Variants in AHCTF1 observed in about 807,000 individuals in gnomAD.
AHCTF1 encodes the protein protein ELYS.
In AHCTF1, 24 loss-of-function variants were observed where a neutral mutation model predicts 248.4. The ratio of observed to expected loss-of-function variants is 0.10; its 90% CI spans 0.07 to 0.14. The LOEUF (loss-of-function observed/expected upper bound fraction) is 0.14. AHCTF1 is among the 10% of genes least tolerant of loss of function. The probability of loss-of-function intolerance (pLI) is 1.00; values close to 1 mark genes in which losing one functional copy is unlikely to be tolerated. For synonymous variants in AHCTF1, 786 were observed against 929.8 expected, an observed-to-expected ratio of 0.85 and a Z score of 2.81; for missense variants, 2,206 against 2,636.2, an observed-to-expected ratio of 0.84 and a Z score of 3.57.
At chr1:246,847,985 TCA>T (rs1421596072) in intron 33 of AHCTF1, among the ~76,000 whole-genome samples, 2 of 152,172 alleles carry the variant, frequency 1.3e-5, no homozygotes, top group Non-Finnish European at 2.9e-5. Context: ...GGCTAAAATA[TCA>T]CACATTCTGT....
At position 246,850,616 on chromosome 1, in the gene AHCTF1, G is replaced by A. The variant is rs1182957570; in HGVS notation, c.5390C>T (p.Ser1797Phe). ...ATTTTGAGGTATTTGCTGGTTCTGA[G>A]ATAGTCCTCTGACATCAGAATAGAT... ...ENIYSDVRGL[S>F]QNQQIPQNSV... Residue 1797 changes from serine to phenylalanine, a missense_variant, in exon 33 of 36, where the codon TCT (serine) becomes TTT (phenylalanine). This residue lies in a region of AHCTF1 where 955 missense variants were observed against 1,055.6 expected (regional missense o/e 0.90). Transcript: ENST00000648844. The A allele has an allele frequency of 6.2e-7, 1 of 1,613,636 alleles. No homozygotes were observed. Among genetic ancestry groups the A allele is most frequent in the Non-Finnish European group, 8.5e-7 (1 of 1,179,770 alleles).
At chr1:246,844,445 G>A (rs1660102203) in intron 33 of AHCTF1, among the ~76,000 whole-genome samples, 1 of 152,342 alleles carries the variant, frequency 6.6e-6, no homozygotes, top group South Asian at 2.1e-4. Flanking sequence ...AAAGTGCCAG[G>A]TGCAGTGGCT....
chr1:246,912,463 C>T (rs568243525), intron 4 of AHCTF1, among the ~76,000 whole-genome samples: 1 of 150,608 alleles, frequency 6.6e-6, no homozygotes, highest in Non-Finnish European at 1.5e-5. Context: ...AGCCTGGCAA[C>T]AGAGCGAGAC....
At position 246,851,085 on chromosome 1, in the gene AHCTF1, A is replaced by T. The variant is rs144319690; in HGVS notation, c.4921T>A (p.Leu1641Met). Residue 1641 changes from leucine to methionine, a missense_variant, in exon 33 of 36, where the codon TTG (leucine) becomes ATG (methionine). Coordinates refer to ENST00000648844, the MANE Select transcript of AHCTF1 (RefSeq NM_001323342.2). ...ENDNHGQIAN[L>M]PSAVTSDQKS... ...TGGTCACTAGTTACGGCAGATGGCA[A>T]ATTTGCAATTTGTCCATGATTATCA... 1.2e-6 allele frequency: 2 copies of T among 1,613,880 alleles called. No individual in the cohort carries two copies. Among genetic ancestry groups the T allele is most frequent in the Non-Finnish European group, 1.7e-6 (2 of 1,179,858 alleles).
At chr1:246,899,754 C>CA (rs958023372) in intron 10 of AHCTF1, among the ~76,000 whole-genome samples, 8 of 151,206 alleles carry the variant, frequency 5.3e-5, no homozygotes, top group Non-Finnish European at 1.0e-4. Context: ...AGAAACACAG[C>CA]AAAAAAAATA....
intron 1 of AHCTF1, among the ~76,000 whole-genome samples, chr1:246,926,570 T>G (rs1666930271): frequency 6.6e-6 from 1 of 152,170 alleles, no homozygotes; most frequent in Non-Finnish European, 1.5e-5. Flanking sequence ...TTATTAGAAA[T>G]AGGGGCCAGG....
At chr1:246,905,755 C>T in intron 5 of AHCTF1, 98 bp from the exon 6 acceptor site, 2 of 833,374 alleles carry the variant, frequency 2.4e-6, no homozygotes, top group Non-Finnish European at 3.9e-6. Flanking sequence ...ACTGTTCCTA[C>T]ACTTCCCCAG....
chr1:246,928,070 G>A (rs554412399), intron 1 of AHCTF1, among the ~76,000 whole-genome samples: 88 of 152,054 alleles, frequency 5.8e-4, no homozygotes, highest in African/African-American at 2.0e-3. Flanking sequence ...GTAATCCCAA[G>A]GCAGGTGGAT....
intron 1 of AHCTF1, among the ~76,000 whole-genome samples, chr1:246,922,982 CAA>C (rs34313695): frequency 0.044 from 2,832 of 64,034 alleles, 67 homozygotes; most frequent in African/African-American, 0.16. Context: ...GACTCTGTCT[CAA>C]AAAAAAAAAA....
At chr1:246,915,202 C>T (rs574158472) in intron 3 of AHCTF1, among the ~76,000 whole-genome samples, 2 of 152,112 alleles carry the variant, frequency 1.3e-5, no homozygotes, top group South Asian at 4.1e-4. Flanking sequence ...TGGTGGTGCA[C>T]GCCTGTAGTC....
chr1:246,871,713 T>C (rs1325938708), intron 24 of AHCTF1, among the ~76,000 whole-genome samples: 1 of 152,178 alleles, frequency 6.6e-6, no homozygotes, highest in Non-Finnish European at 1.5e-5. Flanking sequence ...CAGTGCATTT[T>C]TTTTTGAGGC....
At chr1:246,928,536 T>C (rs1387395431) in intron 1 of AHCTF1, among the ~76,000 whole-genome samples, 1 of 152,128 alleles carries the variant, frequency 6.6e-6, no homozygotes, top group African/African-American at 2.4e-5. Flanking sequence ...ATAAAATCAA[T>C]TTTTTAAAAC....
Position 246,850,699 on chromosome 1 carries a change from C to T in AHCTF1, c.5307G>A (p.Gly1769=), listed in dbSNP as rs781055463. 1 of 1,613,968 alleles carries T rather than the reference C, an allele frequency of 6.2e-7. No homozygotes were observed. The highest frequency in any genetic ancestry group is 8.5e-7 in the Non-Finnish European group (1 of 1,179,874). Residue 1769 remains glycine (G), a synonymous_variant, in exon 33 of 36, where the codon GGG becomes GGA. Coordinates refer to ENST00000648844, the MANE Select transcript of AHCTF1 (RefSeq NM_001323342.2). ...SADVATPKMP[G]QSVRKKTRKA... ...TCCTAGTTTTCTTCCTGACTGACTG[C>T]CCTGGCATCTTAGGAGTAGCAACAT...
chr1:246,885,290 T>C lies in AHCTF1; in HGVS notation c.2660+203A>G, dbSNP rs530737770. Among the ~76,000 whole-genome samples the C allele has an allele frequency of 1.1e-3, 161 of 152,292 alleles. 1 individual carries two copies. Among genetic ancestry groups the C allele is most frequent in the Admixed American group, 1.4e-3 (22 of 15,308 alleles). On this transcript the variant is annotated intron_variant, in intron 21 of 35. Transcript: ENST00000648844. ...GTTGGTCCTGCAGAGCCCATGTATA[T>C]GAAAAGCTGACCTTCCATATATGCA...
chr1:246,873,914 A>C (rs1458782651), intron 24 of AHCTF1, among the ~76,000 whole-genome samples: 1 of 152,168 alleles, frequency 6.6e-6, no homozygotes, highest in Non-Finnish European at 1.5e-5. Flanking sequence ...ACGATAGGTG[A>C]AACATACATA....
At chr1:246,927,122 G>A (rs1666984861) in intron 1 of AHCTF1, among the ~76,000 whole-genome samples, 1 of 151,178 alleles carries the variant, frequency 6.6e-6, no homozygotes, top group African/African-American at 2.4e-5. Flanking sequence ...AGCTTGCAGT[G>A]AGCCAAGATC....
At chr1:246,916,504 A>G in intron 2 of AHCTF1, 109 bp from the exon 3 acceptor site, 3 of 953,564 alleles carry the variant, frequency 3.1e-6, no homozygotes, top group Admixed American at 2.7e-5. Flanking sequence ...AACTTTACAT[A>G]TTATCTCCAC....
At chr1:246,863,503 A>AT (rs1238845300) in intron 27 of AHCTF1, among the ~76,000 whole-genome samples, 1 of 152,232 alleles carries the variant, frequency 6.6e-6, no homozygotes, top group Non-Finnish European at 1.5e-5. Flanking sequence ...TTAAAGAGGG[A>AT]TAAACCAAAG....
chr1:246,930,723 C>CT (rs1396745797), intron 1 of AHCTF1, among the ~76,000 whole-genome samples: 1 of 152,068 alleles, frequency 6.6e-6, no homozygotes. Flanking sequence ...AAAGACAGTT[C>CT]TTAAAATCTA....
Sources: allele counts gnomAD v4.1 joint callset (sites outside exome capture counted in the v4.1 genomes callset), GRCh38; gene constraint gnomAD v4.1.1; regional missense constraint gnomAD v4.1.1; transcripts MANE v1.5; gene names NCBI Gene and HGNC (gene_info 2026-07-23, HGNC 2026-07-21).